Variants in RASAL1 observed in about 807,000 individuals in gnomAD.
RASAL1 encodes the protein rasGAP-activating-like protein 1.
A neutral mutation model predicts 96.6 loss-of-function variants in RASAL1; 72 were observed. The observed-to-expected ratio is 0.75, with a 90% CI of 0.62 to 0.91. The LOEUF (loss-of-function observed/expected upper bound fraction) is 0.91, where lower values mean the gene tolerates loss of function less well. Among genes scored for constraint, RASAL1 ranks in the 40% least tolerant of loss-of-function variants. The pLI, the probability that RASAL1 is intolerant of heterozygous loss-of-function variation, is 0.00. For missense variants in RASAL1, 1,016 were observed against 1,072.5 expected, an observed-to-expected ratio of 0.95 and a Z score of 0.74; for synonymous variants, 405 against 430.4, an observed-to-expected ratio of 0.94 and a Z score of 0.73.
At chr12:113,113,034 A>G (rs532430334) in intron 12 of RASAL1, among the ~76,000 whole-genome samples, 1 of 152,256 alleles carries the variant, frequency 6.6e-6, no homozygotes, top group African/African-American at 2.4e-5. Flanking sequence ...ACTTGGGACT[A>G]TTTGTTCCCT....
Position 113,135,312 on chromosome 12 carries a change from C to A in RASAL1, c.65+86G>T, listed in dbSNP as rs1308083578. 1.3e-5 allele frequency: 17 copies of A among 1,328,416 alleles called. No homozygotes were observed. The highest frequency in any genetic ancestry group is 1.8e-5 in the Non-Finnish European group (17 of 953,414). The allele number at this position is 1,328,416 out of a possible 1,614,324, so 82.3% of individuals were successfully genotyped here. On this transcript the variant is annotated intron_variant, in intron 1 of 20. Coordinates refer to ENST00000548055, the MANE Select transcript of RASAL1 (RefSeq NM_001301202.2). The surrounding 1 kb of genome is among the most constrained non-coding windows in gnomAD (Gnocchi z 5.7). Reference sequence around the variant, plus strand: ...CAAGAACCCCTCGCCCTCCTGCCAACCCGCCCTGGCACGCGGAAAGGGCGA... The same window carrying A: ...CAAGAACCCCTCGCCCTCCTGCCAAACCGCCCTGGCACGCGGAAAGGGCGA...
chr12:113,100,273 A>G (rs993782525), intron 20 of RASAL1, among the ~76,000 whole-genome samples: 2 of 152,202 alleles, frequency 1.3e-5, no homozygotes, highest in African/African-American at 4.8e-5. Flanking sequence ...GCCTGCGAAG[A>G]AAAAGGGACC....
At chr12:113,118,981 T>G in intron 7 of RASAL1, 147 bp downstream of exon 7, 1 of 1,017,370 alleles carries the variant, frequency 9.8e-7, no homozygotes, top group South Asian at 1.7e-5. Flanking sequence ...GCAATGAAAC[T>G]GCAACACTCA....
Position 113,109,583 on chromosome 12 carries a change from C to T in RASAL1, c.1375-1361G>A, listed in dbSNP as rs992309624. On this transcript the variant is annotated intron_variant, in intron 13 of 20. Coordinates refer to ENST00000548055, the MANE Select transcript of RASAL1 (RefSeq NM_001301202.2). ...GCTCCCCCCAAACCAGCTCCCCACC[C>T]ACCTCTCACACTTGCCAGGCTATAT... Among the ~76,000 whole-genome samples the T allele has an allele frequency of 4.6e-5, 7 of 152,332 alleles. No homozygotes were observed. The East Asian group carries it at 1.4e-3, about 29-fold the overall frequency.
chr12:113,126,498 A>T (rs1475592019), intron 4 of RASAL1, among the ~76,000 whole-genome samples: 1 of 152,050 alleles, frequency 6.6e-6, no homozygotes, highest in East Asian at 1.9e-4. Flanking sequence ...GTGATTTCAC[A>T]TGGTGAAACC....
chr12:113,131,010 T>C, intron 1 of RASAL1, 69 bp from the exon 2 acceptor site: 2 of 1,238,684 alleles, frequency 1.6e-6, no homozygotes, highest in Non-Finnish European at 2.4e-6. Context: ...GTCCCAGTCA[T>C]GACACAGGCA....
intron 4 of RASAL1, among the ~76,000 whole-genome samples, chr12:113,123,825 C>T (rs567310848): frequency 5.0e-4 from 76 of 152,080 alleles, no homozygotes; most frequent in African/African-American, 1.0e-3. Flanking sequence ...TCAACTGATC[C>T]GCCAGCCTCG....
At chr12:113,134,440 T>C (rs1592974443) in intron 1 of RASAL1, among the ~76,000 whole-genome samples, 1 of 152,218 alleles carries the variant, frequency 6.6e-6, no homozygotes, top group South Asian at 2.1e-4. Flanking sequence ...GGGGAACTCC[T>C]AACAGGTCCT....
rs766421472 is a variant in RASAL1 at position 113,112,197 on chromosome 12, G to A, written c.1263C>T (p.Pro421=). The part of the protein sequence containing the change: ...SLGLLTGYLG[P]IVDAIVGSVG... ...CGGAGCCCACGATGGCGTCCACGAT[G>A]GGCCCCAGGTAGCCCGTCAGCAGCC... The change falls in exon 13 of 21, where the codon CCC becomes CCT. Residue 421 remains proline, a synonymous_variant. Coordinates refer to ENST00000548055, the MANE Select transcript of RASAL1 (RefSeq NM_001301202.2). 3.1e-5 allele frequency: 39 copies of A among 1,262,530 alleles called. No individual in the cohort carries two copies. The African/African-American group carries it at 5.2e-4, about 17-fold the overall frequency. 78.2% of individuals were successfully genotyped at this position (1,262,530 alleles called of 1,614,324 possible).
intron 18 of RASAL1, among the ~76,000 whole-genome samples, 170 bp from the exon 19 acceptor site, chr12:113,102,179 G>C (rs1247360126): frequency 2.0e-5 from 3 of 152,200 alleles, no homozygotes; most frequent in African/African-American, 7.2e-5. Flanking sequence ...ACTTTTGGAG[G>C]CTGAGATGGG....
chr12:113,106,392 A>AT (rs1950647873), intron 15 of RASAL1, among the ~76,000 whole-genome samples: 1 of 152,224 alleles, frequency 6.6e-6, no homozygotes, highest in Non-Finnish European at 1.5e-5. Context: ...TCATCCTGTG[A>AT]TTCTGTTTCA....
chr12:113,117,160 A>G lies in RASAL1; in HGVS notation c.644T>C (p.Val215Ala), dbSNP rs1157729221. 50 of 1,591,008 alleles carry G rather than the reference A, an allele frequency of 3.1e-5. No individual in the cohort carries two copies. Among genetic ancestry groups the G allele is most frequent in the Non-Finnish European group, 4.1e-5 (48 of 1,162,122 alleles). ...CTGGAGGGTCTTTGGAGAGAACTCCACCTTTTGAGAGAGACACACAGACCC... is the reference window on the plus strand; with the variant it reads ...CTGGAGGGTCTTTGGAGAGAACTCCGCCTTTTGAGAGAGACACACAGACCC... ...MVGKNDFLGMVEFSPKTLQQK... is the reference protein window; with the variant it reads ...MVGKNDFLGMAEFSPKTLQQK... Residue 215 changes from valine to alanine, a missense_variant and splice_region_variant, in exon 8 of 21, where the codon GTG (valine) becomes GCG (alanine). Physicochemically the swap from Val to Ala is moderately conservative, Grantham distance 64 (BLOSUM62 0). Transcript: ENST00000548055.
chr12:113,117,025 GC>G, intron 8 of RASAL1, 47 bp downstream of exon 8: 2 of 1,445,758 alleles, frequency 1.4e-6, no homozygotes, highest in Non-Finnish European at 1.9e-6. Context: ...TGTGGATGCT[GC>G]CCGGCATGGC....
At chr12:113,133,262 C>G (rs926943599) in intron 1 of RASAL1, among the ~76,000 whole-genome samples, 3 of 152,224 alleles carry the variant, frequency 2.0e-5, no homozygotes, top group African/African-American at 7.2e-5. Context: ...GACCCCTGAT[C>G]TCTCCAGACT....
chr12:113,114,620 C>CA (rs541069947), intron 12 of RASAL1, among the ~76,000 whole-genome samples, 180 bp downstream of exon 12: 1 of 152,234 alleles, frequency 6.6e-6, no homozygotes, highest in South Asian at 2.1e-4. Flanking sequence ...ACCATAACCC[C>CA]TATACTACAC....
intron 7 of RASAL1, 93 bp from the exon 8 acceptor site, chr12:113,117,254 C>A: frequency 1.1e-6 from 1 of 929,188 alleles, no homozygotes; most frequent in South Asian, 2.2e-5. Flanking sequence ...GAACAGACTG[C>A]CCACCCACAG....
chr12:113,102,282 G>C (rs1299043165), intron 18 of RASAL1, among the ~76,000 whole-genome samples: 1 of 152,160 alleles, frequency 6.6e-6, no homozygotes, highest in Admixed American at 6.5e-5. Flanking sequence ...CTTGGGTCTG[G>C]AGCGGTGGCT....
intron 13 of RASAL1, among the ~76,000 whole-genome samples, chr12:113,111,610 T>G (rs893035277): frequency 2.0e-5 from 3 of 152,336 alleles, no homozygotes; most frequent in Admixed American, 6.5e-5. Flanking sequence ...TTTGTTTATT[T>G]TGAGACAGAG....
intron 1 of RASAL1, 114 bp from the exon 2 acceptor site, chr12:113,131,055 G>A: frequency 1.4e-6 from 1 of 740,678 alleles, no homozygotes; most frequent in Non-Finnish European, 2.3e-6. Flanking sequence ...AAGGGGACTT[G>A]CCCAGGGTCA....
Sources: gnomAD v4.1 joint callset for allele counts (sites outside exome capture counted in the v4.1 genomes callset) on GRCh38, gnomAD v4.1.1 for gene constraint, Gnocchi (gnomAD v3.1) non-coding constraint, MANE v1.5 for transcripts, NCBI Gene and HGNC (gene_info 2026-07-23, HGNC 2026-07-21) for gene names.